The following TMEM201 variants were observed in gnomAD, a reference collection of about 807,000 sequenced individuals.
The protein encoded by TMEM201 is RP13-15M17.2.
Under a neutral mutation model 63.4 loss-of-function variants are expected in TMEM201, and 26 were observed. That is an observed-to-expected ratio of 0.41 (90% confidence interval 0.30 to 0.57). TMEM201 has a LOEUF of 0.57. TMEM201 is among the 20% of genes least tolerant of loss of function. The pLI is 0.29. For missense variants in TMEM201, 794 were observed against 917.7 expected (o/e 0.87, Z 1.74); for synonymous variants, 417 against 421.6 (o/e 0.99, Z 0.14).
chr1:9,610,877 T>TG lies in TMEM201; in HGVS notation c.1765+79dup, dbSNP rs912997513. The TG allele has an allele frequency of 4.2e-5, 63 of 1,490,920 alleles. No individual in the cohort carries two copies. The highest frequency in any genetic ancestry group is 2.2e-4 in the Middle Eastern group (1 of 4,574). The allele number at this position is 1,490,920 out of a possible 1,614,324, so 92.4% of individuals were successfully genotyped here. A position where few individuals can be genotyped will look rare whatever the true frequency, so the allele number is the denominator to read the frequency against. On this transcript the variant is annotated intron_variant, in intron 9 of 10. Transcript: ENST00000340381. This position sits in a 1 kb window ranked among gnomAD's most constrained non-coding sequence, Gnocchi z 4.9. ...GCCAAGAGGCCTGGCTGTGCGGCGG[T>TG]GGGGGGGCTCATCCTTGCTCTGACT...
intron 1 of TMEM201, among the ~76,000 whole-genome samples, chr1:9,589,839 A>G (rs577999983): frequency 5.3e-5 from 8 of 152,356 alleles, no homozygotes; most frequent in Admixed American, 2.6e-4. Flanking sequence ...TTGTGAGAAC[A>G]TCCTAGAAAG....
Position 9,604,955 on chromosome 1 carries a change from T to C in TMEM201, c.1161-2602T>C. On this transcript the variant is annotated intron_variant, in intron 6 of 10. Coordinates refer to ENST00000340381, the MANE Select transcript of TMEM201 (RefSeq NM_001130924.3). This position sits in a 1 kb window ranked among gnomAD's most constrained non-coding sequence, Gnocchi z 4.1. ...CCTCTGGGGCCCTGCTTTTACCCGCTGGCGTCAGGTGCCGCGTCTTTCTTC... is the reference window on the plus strand; with the variant it reads ...CCTCTGGGGCCCTGCTTTTACCCGCCGGCGTCAGGTGCCGCGTCTTTCTTC... The C allele has an allele frequency of 1.0e-6, 1 of 985,950 alleles. No homozygotes were observed. The highest frequency in any genetic ancestry group is 4.7e-5 in the South Asian group (1 of 21,288). The allele number at this position is 985,950 out of a possible 1,614,324, so 61.1% of individuals were successfully genotyped here.
At chr1:9,597,271 G>A (rs1012115291) in intron 3 of TMEM201, among the ~76,000 whole-genome samples, 1 of 152,242 alleles carries the variant, frequency 6.6e-6, no homozygotes, top group Non-Finnish European at 1.5e-5. Context: ...TTGGAGCTGA[G>A]CTGCTTCTCC....
rs752528506 is a variant in TMEM201, at chr1:9,605,956, C to T, written c.1161-1601C>T. On this transcript the variant is annotated intron_variant, in intron 6 of 10. Transcript: ENST00000340381. The surrounding 1 kb of genome is among the most constrained non-coding windows in gnomAD (Gnocchi z 5.7). ...GGGGGACCTGGTCACCCTTGGCTGA[C>T]TCTTGGCTATGTCTGTGCTGCCGGG... is the stretch of plus-strand genomic sequence containing the variant. 2.4e-4 allele frequency among the ~76,000 whole-genome samples: 36 copies of T among 152,188 alleles called. No homozygotes were observed. The highest frequency in any genetic ancestry group is 1.8e-3 in the Admixed American group (27 of 15,282).
intron 1 of TMEM201, among the ~76,000 whole-genome samples, chr1:9,592,731 G>A (rs936168926): frequency 2.5e-5 from 3 of 120,748 alleles, no homozygotes; most frequent in African/African-American, 8.0e-5. Context: ...TGTGGACGGG[G>A]CAGGTACAGA....
chr1:9,598,056 G>A (rs1356314770), intron 3 of TMEM201, among the ~76,000 whole-genome samples: 1 of 152,212 alleles, frequency 6.6e-6, no homozygotes, highest in African/African-American at 2.4e-5. Flanking sequence ...AAGCGCCACA[G>A]TCGGGGTTGT....
intron 1 of TMEM201, among the ~76,000 whole-genome samples, chr1:9,593,864 C>T (rs971147769): frequency 6.6e-6 from 1 of 152,226 alleles, no homozygotes; most frequent in Non-Finnish European, 1.5e-5. Context: ...CTTCACCCAT[C>T]AGGACACGCC....
chr1:9,594,941 T>TCTGTGC (rs1487346803), intron 1 of TMEM201, among the ~76,000 whole-genome samples: 1 of 152,214 alleles, frequency 6.6e-6, no homozygotes, highest in African/African-American at 2.4e-5. Flanking sequence ...CGGGGGGCCG[T>TCTGTGC]CTGTGCAGGG....
chr1:9,602,506 C>G (rs1407946408), intron 6 of TMEM201: 1 of 1,411,794 alleles, frequency 7.1e-7, no homozygotes, highest in Non-Finnish European at 9.2e-7. Flanking sequence ...CCTGTAGCCA[C>G]TCACCACTGC....
rs560958706 is a variant in TMEM201 at position 9,600,395 on chromosome 1, G to A, written c.607-710G>A. On this transcript the variant is annotated intron_variant, in intron 4 of 10. Coordinates refer to ENST00000340381, the MANE Select transcript of TMEM201 (RefSeq NM_001130924.3). ...GTTTCCACAGCTGTAAATGGGTCCA[G>A]GGCTTAGGAGTGCACCACCAAGGCT... is the stretch of plus-strand genomic sequence containing the variant. Among the ~76,000 whole-genome samples the A allele has an allele frequency of 2.3e-3, 345 of 152,288 alleles. 1 individual carries two copies. The highest frequency in any genetic ancestry group is 4.3e-3 in the Non-Finnish European group (294 of 68,014).
At chr1:9,589,293 A>G (rs984298746) in intron 1 of TMEM201, among the ~76,000 whole-genome samples, 24 of 151,478 alleles carry the variant, frequency 1.6e-4, no homozygotes, top group African/African-American at 5.8e-4. Context: ...GGGGGCCACA[A>G]ACTTCCTCCG....
intron 10 of TMEM201, 139 bp from the exon 11 acceptor site, chr1:9,612,847 G>A: frequency 1.4e-6 from 1 of 691,438 alleles, no homozygotes; most frequent in Non-Finnish European, 2.5e-6. Flanking sequence ...GAAGAATTGG[G>A]GGTGAGCCTC....
At chr1:9,612,111 G>A (rs1644332957) in intron 10 of TMEM201, among the ~76,000 whole-genome samples, 1 of 152,244 alleles carries the variant, frequency 6.6e-6, no homozygotes, top group African/African-American at 2.4e-5. Context: ...CACTATTCCA[G>A]TAGCTTCTGG....
At position 9,598,612 on chromosome 1, in the gene TMEM201, A is replaced by G; in HGVS notation, c.593A>G (p.Gln198Arg). 1 of 1,613,066 alleles carries G rather than the reference A, an allele frequency of 6.2e-7. No individual in the cohort carries two copies. The highest frequency in any genetic ancestry group is 8.5e-7 in the Non-Finnish European group (1 of 1,179,852). The change falls in exon 4 of 11, where the codon CAG becomes CGG. Residue 198 changes from glutamine (Q) to arginine (R), a missense_variant. Physicochemically the swap from Gln to Arg is conservative, Grantham distance 43. Coordinates refer to ENST00000340381, the MANE Select transcript of TMEM201 (RefSeq NM_001130924.3). ...CAGTTCAAGCGCCGGGAGGCCGACC[A>G]GACCCACGCACAGGTGAGAGGCGGC... is the stretch of plus-strand genomic sequence containing the variant. ...SHQFKRREADQTHAQNFSSAV... is the reference protein window; with the variant it reads ...SHQFKRREADRTHAQNFSSAV...
intron 4 of TMEM201, among the ~76,000 whole-genome samples, chr1:9,600,626 GGGCTCAACTT>G (rs1644120303): frequency 6.6e-6 from 1 of 152,116 alleles, no homozygotes; most frequent in Admixed American, 6.5e-5. Flanking sequence ...GTAAAGGAAG[GGGCTCAACTT>G]GGCTGGGCGC....
rs545603716 is a variant in TMEM201 at position 9,605,993 on chromosome 1, C to G, written c.1161-1564C>G. 2.0e-5 allele frequency among the ~76,000 whole-genome samples: 3 copies of G among 152,192 alleles called. No individual in the cohort carries two copies. The highest frequency in any genetic ancestry group is 2.0e-4 in the Admixed American group (3 of 15,286). On this transcript the variant is annotated intron_variant, in intron 6 of 10. Coordinates refer to ENST00000340381, the MANE Select transcript of TMEM201 (RefSeq NM_001130924.3). The surrounding 1 kb of genome is among the most constrained non-coding windows in gnomAD (Gnocchi z 5.7). ...TCTGTGCTGCCGGGCAGGGTGGGCA[C>G]AGGAAGCCTAGCGCAGAGCCCTGCC...
chr1:9,590,199 A>G (rs1643896035), intron 1 of TMEM201, among the ~76,000 whole-genome samples: 1 of 152,080 alleles, frequency 6.6e-6, no homozygotes, highest in Non-Finnish European at 1.5e-5. Context: ...AAGTCTCTCC[A>G]TGTCGGTTTC....
chr1:9,603,276 T>C lies in TMEM201; in HGVS notation c.1160+1004T>C. The C allele has an allele frequency of 1.0e-6, 1 of 984,672 alleles. No homozygotes were observed. Among genetic ancestry groups the C allele is most frequent in the Non-Finnish European group, 1.2e-6 (1 of 829,224 alleles). 61.0% of individuals were successfully genotyped at this position (984,672 alleles called of 1,614,324 possible). The stretch of plus-strand genomic sequence containing the variant: ...CTGTTCTCAGCCTCAGTTTGCCATC[T>C]ATGAAATGAGGTGGACCCCTCTCCA... On this transcript the variant is annotated intron_variant, in intron 6 of 10. Coordinates refer to ENST00000340381, the MANE Select transcript of TMEM201 (RefSeq NM_001130924.3). This position sits in a 1 kb window ranked among gnomAD's most constrained non-coding sequence, Gnocchi z 4.5.
Position 9,596,984 on chromosome 1 carries a change from G to C in TMEM201, c.360G>C (p.Leu120=). 3 of 1,612,994 alleles carry C rather than the reference G, an allele frequency of 1.9e-6. No individual in the cohort carries two copies. Among genetic ancestry groups the C allele is most frequent in the Non-Finnish European group, 2.5e-6 (3 of 1,179,702 alleles). ...PQQWVSSQVL[L]CKRCNHHQTT... The stretch of plus-strand genomic sequence containing the variant: ...AGTGGGTGAGCAGCCAAGTCCTGCT[G>C]TGCAAGAGGTGCAACCACCACCAGA... Residue 120 remains leucine (L), a synonymous_variant, in exon 3 of 11, where the codon CTG becomes CTC. Coordinates refer to ENST00000340381, the MANE Select transcript of TMEM201 (RefSeq NM_001130924.3).
Sources: allele counts gnomAD v4.1 joint callset (sites outside exome capture counted in the v4.1 genomes callset), GRCh38; gene constraint gnomAD v4.1.1; non-coding constraint Gnocchi (gnomAD v3.1); transcripts MANE v1.5; gene names NCBI Gene and HGNC (gene_info 2026-07-23, HGNC 2026-07-21).